The following MPRIP variants were observed in gnomAD, a reference collection of about 807,000 sequenced individuals.
MPRIP encodes myosin phosphatase Rho-interacting protein.
In MPRIP, 59 loss-of-function variants were observed where a neutral mutation model predicts 234.9. The observed-to-expected ratio is 0.25, with a 90% CI of 0.20 to 0.31. MPRIP has a LOEUF of 0.31. Among genes scored for constraint, MPRIP ranks in the 10% least tolerant of loss-of-function variants. MPRIP has a pLI of 1.00. For missense variants in MPRIP, 2,436 were observed against 3,071.0 expected, an observed-to-expected ratio of 0.79 and a Z score of 4.89; for synonymous variants, 1,144 against 1,263.9, an observed-to-expected ratio of 0.91 and a Z score of 2.01.
chr17:17,129,094 C>T (rs767888065), intron 4 of MPRIP, among the ~76,000 whole-genome samples: 1 of 152,150 alleles, frequency 6.6e-6, no homozygotes, highest in African/African-American at 2.4e-5. Context: ...CGTGGGCTGC[C>T]GGGTCTCTCC....
intron 15 of MPRIP, among the ~76,000 whole-genome samples, 176 bp downstream of exon 15, chr17:17,161,532 C>G (rs1286802950): frequency 6.6e-6 from 1 of 152,148 alleles, no homozygotes. Context: ...TTGGGGGGGT[C>G]TGTTTGTTTT....
At chr17:17,142,545 GC>G in intron 7 of MPRIP, 81 bp from the exon 8 acceptor site, 1 of 1,521,680 alleles carries the variant, frequency 6.6e-7, no homozygotes, top group Non-Finnish European at 9.0e-7. Context: ...CCCGGGCCAG[GC>G]CGGGCATGGG....
At chr17:17,089,797 T>C (rs1470967137) in intron 3 of MPRIP, among the ~76,000 whole-genome samples, 1 of 152,150 alleles carries the variant, frequency 6.6e-6, no homozygotes, top group East Asian at 1.9e-4. Context: ...ATTTGTGTTT[T>C]CAGTGTGAAG....
intron 3 of MPRIP, among the ~76,000 whole-genome samples, chr17:17,083,540 G>A (rs889646936): frequency 2.0e-5 from 3 of 152,154 alleles, no homozygotes; most frequent in Admixed American, 6.5e-5. Context: ...AGCCTAGGAG[G>A]AGGGGCATTA....
intron 3 of MPRIP, among the ~76,000 whole-genome samples, chr17:17,114,392 G>A (rs994664993): frequency 2.0e-5 from 3 of 151,454 alleles, no homozygotes; most frequent in Non-Finnish European, 2.9e-5. Context: ...GTCCTTAGAT[G>A]TACAAAGGTT....
intron 1 of MPRIP, among the ~76,000 whole-genome samples, chr17:17,066,921 G>C (rs928019488): frequency 5.3e-5 from 8 of 151,016 alleles, no homozygotes; most frequent in Non-Finnish European, 8.9e-5. Context: ...ACCACACCTA[G>C]CTATTAATAA....
chr17:17,165,313 G>A lies in MPRIP; in HGVS notation c.3722G>A (p.Gly1241Asp), dbSNP rs767464827. 136 of 1,303,938 alleles carry A rather than the reference G, an allele frequency of 1.0e-4. No homozygotes were observed. Among genetic ancestry groups the A allele is most frequent in the Non-Finnish European group, 1.3e-4 (129 of 988,972 alleles). The allele number at this position is 1,303,938 out of a possible 1,614,324, so 80.8% of individuals were successfully genotyped here. A position where few individuals can be genotyped will look rare whatever the true frequency, so the allele number is the denominator to read the frequency against. ...ACCCCTGAAGAGACAGAAAGGGATG[G>A]CACTTTGCTCCCAGGCCAACCAGTC... is the stretch of plus-strand genomic sequence containing the variant. ...RSTPEETERD[G>D]TLLPGQPVQA... is the part of the protein sequence containing the mutation. The change falls in exon 16 of 24, where the codon GGC (glycine) becomes GAC (aspartate). Residue 1241 changes from glycine to aspartate, a missense_variant. Gly to Asp is a moderately conservative substitution (Grantham distance 94). Transcript: ENST00000651222.
intron 12 of MPRIP, 106 bp downstream of exon 12, chr17:17,150,339 G>A (rs1053835610): frequency 1.4e-5 from 11 of 785,898 alleles, no homozygotes; most frequent in Admixed American, 6.3e-5. Context: ...CTGATGCAGC[G>A]TGTATGGTCA....
At position 17,187,941 on chromosome 17, in the gene MPRIP, T is replaced by G. The variant is rs2046508160; in HGVS notation, c.*3047T>G. On this transcript the variant is annotated 3_prime_UTR_variant, in exon 24 of 24. Coordinates refer to ENST00000651222, the MANE Select transcript of MPRIP (RefSeq NM_001364716.4). Reference sequence around the variant, plus strand: ...AATTATTTTCCTATAAATGTATTTATGTGTAGTATGCTAGCACCAGCCAGT... The same window carrying G: ...AATTATTTTCCTATAAATGTATTTAGGTGTAGTATGCTAGCACCAGCCAGT... 1 of 152,252 alleles carries G rather than the reference T, an allele frequency of 6.6e-6. No individual in the cohort carries two copies. Among genetic ancestry groups the G allele is most frequent in the Admixed American group, 6.5e-5 (1 of 15,284 alleles). 9.4% of individuals were successfully genotyped at this position (152,252 alleles called of 1,614,324 possible). A position where few individuals can be genotyped will look rare whatever the true frequency, so the allele number is the denominator to read the frequency against.
chr17:17,059,948 G>A (rs892438842), intron 1 of MPRIP, among the ~76,000 whole-genome samples: 7 of 152,160 alleles, frequency 4.6e-5, no homozygotes, highest in South Asian at 4.1e-4. Context: ...AATAAATTAC[G>A]TTGAGCACCT....
chr17:17,110,074 C>A (rs1469394587), intron 3 of MPRIP, among the ~76,000 whole-genome samples: 2 of 152,120 alleles, frequency 1.3e-5, no homozygotes, highest in Non-Finnish European at 2.9e-5. Flanking sequence ...GATCAGTGCC[C>A]TGCCCTGGGC....
intron 23 of MPRIP, among the ~76,000 whole-genome samples, chr17:17,183,971 C>T (rs1005356361): frequency 2.0e-5 from 3 of 152,190 alleles, no homozygotes; most frequent in Non-Finnish European, 4.4e-5. Context: ...AGTGTGATGG[C>T]GACACTTAGC....
At chr17:17,131,554 C>T (rs2090596853) in intron 4 of MPRIP, 63 bp from the exon 5 acceptor site, 1 of 1,446,914 alleles carries the variant, frequency 6.9e-7, no homozygotes, top group African/African-American at 1.4e-5. Flanking sequence ...CGGCAAGGGC[C>T]AGGGCTCCTA....
rs1037226677 is a variant in MPRIP at position 17,164,317 on chromosome 17, C to T, written c.2726C>T (p.Ala909Val). The part of the protein sequence containing the change: ...IRSLQARLSN[A>V]AAELAIKEQA... ...AGCCTTCAGGCACGGCTCAGCAATG[C>T]GGCCGCTGAGCTAGCCATCAAGGAG... The change falls in exon 16 of 24, where the codon GCG becomes GTG. Residue 909 changes from alanine (A) to valine (V), a missense_variant. By Grantham distance (64) the Ala-to-Val change is moderately conservative. This residue lies in a region of MPRIP where 1,998 missense variants were observed against 2,520.3 expected (regional missense o/e 0.79). Transcript: ENST00000651222. 25 of 1,303,560 alleles carry T rather than the reference C, an allele frequency of 1.9e-5. No homozygotes were observed. The East Asian group carries it at 2.2e-4, about 12-fold the overall frequency. The allele number at this position is 1,303,560 out of a possible 1,614,324, so 80.7% of individuals were successfully genotyped here.
intron 1 of MPRIP, among the ~76,000 whole-genome samples, chr17:17,060,849 T>C (rs1597730146): frequency 6.6e-6 from 1 of 152,200 alleles, no homozygotes; most frequent in Admixed American, 6.5e-5. Context: ...GTAGTTTGGG[T>C]CCACAACTGT....
At chr17:17,122,273 A>C (rs2144359478) in intron 3 of MPRIP, among the ~76,000 whole-genome samples, 1 of 152,232 alleles carries the variant, frequency 6.6e-6, no homozygotes, top group East Asian at 1.9e-4. Context: ...TCCCACCAAC[A>C]GTGTATAAGT....
intron 1 of MPRIP, among the ~76,000 whole-genome samples, chr17:17,073,385 G>C (rs560859575): frequency 1.5e-4 from 23 of 152,316 alleles, no homozygotes; most frequent in Middle Eastern, 3.4e-3. Flanking sequence ...TGCTGACGAT[G>C]CCTGGGTTGA....
chr17:17,161,588 A>G (rs1273858244), intron 15 of MPRIP, among the ~76,000 whole-genome samples: 3 of 152,144 alleles, frequency 2.0e-5, no homozygotes, highest in Non-Finnish European at 4.4e-5. Context: ...AAACCTCTAT[A>G]TCTAAGGACT....
chr17:17,183,599 C>T (rs998668685), intron 23 of MPRIP, among the ~76,000 whole-genome samples: 1 of 152,222 alleles, frequency 6.6e-6, no homozygotes. Context: ...AGACACATAG[C>T]TCCAGAATAT....
Sources: gnomAD v4.1 joint callset for allele counts (sites outside exome capture counted in the v4.1 genomes callset) on GRCh38, gnomAD v4.1.1 for gene constraint, gnomAD v4.1.1 regional missense constraint, MANE v1.5 for transcripts, NCBI Gene and HGNC (gene_info 2026-07-23, HGNC 2026-07-21) for gene names.